TMEM132B: variants seen among roughly 807,000 people sequenced by gnomAD.
The protein encoded by TMEM132B is transmembrane protein 132B.
A neutral mutation model predicts 90.8 loss-of-function variants in TMEM132B; 18 were observed. That is an observed-to-expected ratio of 0.20 (90% CI 0.14 to 0.29). The LOEUF (loss-of-function observed/expected upper bound fraction) is 0.29, where lower values mean the gene tolerates loss of function less well. TMEM132B is among the 10% of genes least tolerant of loss of function. The probability of loss-of-function intolerance (pLI) is 1.00; values close to 1 mark genes in which losing one functional copy is unlikely to be tolerated. For synonymous variants in TMEM132B, 504 were observed against 523.3 expected (o/e 0.96, Z 0.50); for missense variants, 1,096 against 1,326.8 (o/e 0.83, Z 2.70).
rs1336463282 is a variant in TMEM132B at position 125,350,251 on chromosome 12, C to G, written c.867C>G (p.Ile289Met). 6.2e-7 allele frequency: 1 copy of G among 1,614,142 alleles called. No individual in the cohort carries two copies. The highest frequency in any genetic ancestry group is 2.2e-5 in the East Asian group (1 of 44,868). The change falls in exon 2 of 9, where the codon ATC becomes ATG. Residue 289 changes from isoleucine to methionine, a missense_variant. Physicochemically the swap from Ile to Met is conservative, Grantham distance 10. Transcript: ENST00000682704. ...TGAGCTTGGACGAGAATGTGGTCATCTCGGTACCTCTGAATCTAGTCCGGG... is the reference window on the plus strand; with the variant it reads ...TGAGCTTGGACGAGAATGTGGTCATGTCGGTACCTCTGAATCTAGTCCGGG... Reference protein sequence around the residue: ...SLVSLDENVVISVPLNLVREG... With the variant: ...SLVSLDENVVMSVPLNLVREG...
chr12:125,249,940 G>A (rs1382842905), intron 1 of TMEM132B, among the ~76,000 whole-genome samples: 4 of 152,210 alleles, frequency 2.6e-5, no homozygotes, highest in African/African-American at 4.8e-5. Context: ...ACCAGTCTGG[G>A]GGACAGGCCA....
chr12:125,301,491 A>G (rs900401655), intron 1 of TMEM132B: 7 of 152,370 alleles, frequency 4.6e-5, no homozygotes, highest in African/African-American at 1.4e-4. Context: ...GAACACACCC[A>G]AGCTACCGGA....
intron 3 of TMEM132B, among the ~76,000 whole-genome samples, chr12:125,448,033 A>C (rs1881051491): frequency 6.6e-6 from 1 of 152,188 alleles, no homozygotes; most frequent in East Asian, 1.9e-4. Context: ...TGGAAGGCCA[A>C]GGCATGTGGG....
intron 1 of TMEM132B, among the ~76,000 whole-genome samples, chr12:125,201,256 C>T (rs1011730183): frequency 1.3e-5 from 2 of 152,198 alleles, no homozygotes; most frequent in African/African-American, 2.4e-5. Flanking sequence ...GAAGCAGCCT[C>T]ATCTTCTATT....
At chr12:125,265,851 A>G (rs751381219) in intron 1 of TMEM132B, among the ~76,000 whole-genome samples, 4 of 152,176 alleles carry the variant, frequency 2.6e-5, no homozygotes, top group African/African-American at 4.8e-5. Context: ...GCTGTAGAAC[A>G]GAGAGGTTGG....
At chr12:125,403,276 C>G (rs1327382761) in intron 2 of TMEM132B, among the ~76,000 whole-genome samples, 1 of 152,198 alleles carries the variant, frequency 6.6e-6, no homozygotes, top group African/African-American at 2.4e-5. Flanking sequence ...TTCCCTCCTC[C>G]CCTCTGGCTG....
intron 3 of TMEM132B, among the ~76,000 whole-genome samples, chr12:125,514,200 GC>G (rs370517568): frequency 2.0e-5 from 3 of 151,916 alleles, no homozygotes; most frequent in Non-Finnish European, 4.4e-5. Flanking sequence ...AACGCCACAC[GC>G]CCCCCACCCC....
At chr12:125,560,559 AC>A (rs1360825913) in intron 4 of TMEM132B, among the ~76,000 whole-genome samples, 2 of 151,572 alleles carry the variant, frequency 1.3e-5, no homozygotes, top group Admixed American at 1.3e-4. Flanking sequence ...GCGGTGGCTC[AC>A]GCCTGTAATC....
intron 2 of TMEM132B, among the ~76,000 whole-genome samples, chr12:125,360,805 C>T (rs1877934771): frequency 6.6e-6 from 1 of 151,558 alleles, no homozygotes; most frequent in South Asian, 2.1e-4. Context: ...GCAGTATGAT[C>T]AAAGAATCTG....
chr12:125,554,609 A>G (rs1884325309), intron 4 of TMEM132B, among the ~76,000 whole-genome samples: 1 of 151,964 alleles, frequency 6.6e-6, no homozygotes, highest in Non-Finnish European at 1.5e-5. Flanking sequence ...GAATGCTGTG[A>G]AATATCTCCA....
At chr12:125,220,835 G>T (rs561219386) in intron 1 of TMEM132B, among the ~76,000 whole-genome samples, 1 of 152,166 alleles carries the variant, frequency 6.6e-6, no homozygotes, top group African/African-American at 2.4e-5. Context: ...CTCCCAGCTC[G>T]CTCAGAGTAA....
At chr12:125,496,846 C>G (rs1413640109) in intron 3 of TMEM132B, among the ~76,000 whole-genome samples, 1 of 152,202 alleles carries the variant, frequency 6.6e-6, no homozygotes, top group Admixed American at 6.5e-5. Flanking sequence ...TTAGTGCAGA[C>G]TTTCTTTAGG....
At chr12:125,599,402 T>C (rs1337066435) in intron 5 of TMEM132B, among the ~76,000 whole-genome samples, 1 of 152,166 alleles carries the variant, frequency 6.6e-6, no homozygotes, top group Non-Finnish European at 1.5e-5. Flanking sequence ...GAGAATGGAT[T>C]AATACAGGGA....
chr12:125,564,928 G>A (rs990729448), intron 4 of TMEM132B, among the ~76,000 whole-genome samples: 17 of 152,202 alleles, frequency 1.1e-4, no homozygotes, highest in African/African-American at 3.9e-4. Flanking sequence ...AAACAATGTT[G>A]TGTGGGAGGT....
intron 2 of TMEM132B, among the ~76,000 whole-genome samples, chr12:125,383,267 C>A (rs535848101): frequency 1.1e-4 from 17 of 152,306 alleles, no homozygotes; most frequent in South Asian, 6.2e-4. Context: ...TGGAGTTATT[C>A]ATGGACCACC....
At chr12:125,255,277 T>TTCTTTCTTTCTCTCTCTCTCTCTC (rs2136105716) in intron 1 of TMEM132B, among the ~76,000 whole-genome samples, 1 of 151,792 alleles carries the variant, frequency 6.6e-6, no homozygotes, top group Non-Finnish European at 1.5e-5. Context: ...CTCTTTCTCT[T>TTCTTTCTTTCTCTCTCTCTCTCTC]TCTTTCTTTC....
At chr12:125,546,816 A>G (rs1260139826) in intron 4 of TMEM132B, among the ~76,000 whole-genome samples, 3 of 152,174 alleles carry the variant, frequency 2.0e-5, no homozygotes, top group Non-Finnish European at 4.4e-5. Context: ...TGGGTACTGT[A>G]TTAATCTGTT....
At chr12:125,465,914 T>C (rs1881552417) in intron 3 of TMEM132B, among the ~76,000 whole-genome samples, 1 of 152,198 alleles carries the variant, frequency 6.6e-6, no homozygotes, top group African/African-American at 2.4e-5. Context: ...CCTCTTCCCC[T>C]TCTGCTGTGA....
At chr12:125,512,679 C>A (rs1329877234) in intron 3 of TMEM132B, among the ~76,000 whole-genome samples, 2 of 152,158 alleles carry the variant, frequency 1.3e-5, no homozygotes, top group Admixed American at 1.3e-4. Flanking sequence ...AGCCTGTAGA[C>A]CTTTGACTGC....
Sources: gnomAD v4.1 joint callset for allele counts (sites outside exome capture counted in the v4.1 genomes callset) on GRCh38, gnomAD v4.1.1 for gene constraint, MANE v1.5 for transcripts, NCBI Gene and HGNC (gene_info 2026-07-23, HGNC 2026-07-21) for gene names.